Variants in TMEM68 observed in about 807,000 individuals in gnomAD.
The protein encoded by TMEM68 is transmembrane protein 68.
In TMEM68, 25 loss-of-function variants were observed where a neutral mutation model predicts 36.9. The ratio of observed to expected loss-of-function variants is 0.68; its 90% CI spans 0.49 to 0.95. The LOEUF (loss-of-function observed/expected upper bound fraction) is 0.95. Ranked by LOEUF, TMEM68 falls within the 40% of genes least tolerant of loss-of-function variation. The pLI, the probability that TMEM68 is intolerant of heterozygous loss-of-function variation, is 0.00. For missense variants in TMEM68, 333 were observed against 392.0 expected (o/e 0.85, Z 1.27); for synonymous variants, 131 against 124.4 (o/e 1.05, Z -0.35).
At chr8:55,742,207 GA>G (rs1260276013) in intron 7 of TMEM68, among the ~76,000 whole-genome samples, 1 of 152,152 alleles carries the variant, frequency 6.6e-6, no homozygotes, top group Non-Finnish European at 1.5e-5. Flanking sequence ...CAAAGTCTTA[GA>G]AAAGTAGAAT....
chr8:55,753,286 C>T (rs1057147505), intron 4 of TMEM68, among the ~76,000 whole-genome samples: 13 of 151,842 alleles, frequency 8.6e-5, no homozygotes, highest in African/African-American at 2.7e-4. Context: ...ATACACTAAA[C>T]GTTTTTCTTA....
Position 55,739,934 on chromosome 8 carries a change from T to A in TMEM68, c.*198A>T, listed in dbSNP as rs553850400. 1.8e-5 allele frequency: 9 copies of A among 501,984 alleles called. No homozygotes were observed. Among genetic ancestry groups the A allele is most frequent in the African/African-American group, 1.8e-4 (9 of 50,812 alleles). 31.1% of individuals were successfully genotyped at this position (501,984 alleles called of 1,614,324 possible). A position where few individuals can be genotyped will look rare whatever the true frequency, so the allele number is the denominator to read the frequency against. On this transcript the variant is annotated 3_prime_UTR_variant, in exon 8 of 8. Coordinates refer to ENST00000434581, the MANE Select transcript of TMEM68 (RefSeq NM_001286657.2). Reference sequence around the variant, plus strand: ...ACATCTTTTTCTGAATTACTAGGTGTGTAATTTGTTAGTATTTGACACAAT... The same window carrying A: ...ACATCTTTTTCTGAATTACTAGGTGAGTAATTTGTTAGTATTTGACACAAT...
intron 1 of TMEM68, among the ~76,000 whole-genome samples, chr8:55,769,018 T>TTAAAAAAAAAAGAAAAAA (rs1554556017): frequency 1.2e-5 from 1 of 82,094 alleles, no homozygotes; most frequent in Non-Finnish European, 2.4e-5. Flanking sequence ...ACTCTGTCTT[T>TTAAAAAAAAAAGAAAAAA]AAAAAAAAAA....
chr8:55,752,459 C>T (rs754133683), intron 4 of TMEM68, among the ~76,000 whole-genome samples: 139 of 151,530 alleles, frequency 9.2e-4, no homozygotes, highest in Non-Finnish European at 1.5e-3. Flanking sequence ...TGGTGGCGCA[C>T]GCTTGTAATC....
chr8:55,753,179 G>T (rs1319737721), intron 4 of TMEM68, among the ~76,000 whole-genome samples: 1 of 151,986 alleles, frequency 6.6e-6, no homozygotes, highest in Non-Finnish European at 1.5e-5. Context: ...AAAGGCAAAT[G>T]CTAAAAATAT....
rs1179468123 is a variant in TMEM68 at position 55,739,626 on chromosome 8, A to T, written c.*506T>A. 1.3e-5 allele frequency: 2 copies of T among 152,650 alleles called. No homozygotes were observed. The highest frequency in any genetic ancestry group is 4.8e-5 in the African/African-American group (2 of 41,460). 9.5% of individuals were successfully genotyped at this position (152,650 alleles called of 1,614,324 possible). ...TATAAATAACAAAATAATATCATTC[A>T]TCATACGATCATGTTTTTAAAAAGT... On this transcript the variant is annotated 3_prime_UTR_variant, in exon 8 of 8. Coordinates refer to ENST00000434581, the MANE Select transcript of TMEM68 (RefSeq NM_001286657.2).
At chr8:55,755,359 C>T (rs930892389) in intron 4 of TMEM68, among the ~76,000 whole-genome samples, 9 of 151,594 alleles carry the variant, frequency 5.9e-5, no homozygotes, top group South Asian at 4.2e-4. Flanking sequence ...CTCTGCCTTC[C>T]GGGTTCAAGT....
At chr8:55,747,884 T>C (rs1337235437) in intron 5 of TMEM68, 1 of 152,208 alleles carries the variant, frequency 6.6e-6, no homozygotes, top group Admixed American at 6.5e-5. Context: ...ATTTGCCACT[T>C]CCAACCAGTA....
At chr8:55,753,217 A>G (rs1242709015) in intron 4 of TMEM68, among the ~76,000 whole-genome samples, 1 of 152,216 alleles carries the variant, frequency 6.6e-6, no homozygotes, top group African/African-American at 2.4e-5. Context: ...TAAAAACGAA[A>G]AAAGTAGAAG....
At chr8:55,758,272 T>C (rs888437694) in intron 3 of TMEM68, among the ~76,000 whole-genome samples, 1 of 152,206 alleles carries the variant, frequency 6.6e-6, no homozygotes, top group Admixed American at 6.5e-5. Flanking sequence ...ACTCAGTAGA[T>C]TGAATCCACC....
chr8:55,761,522 G>GCC (rs1810791973), intron 3 of TMEM68: 1 of 152,134 alleles, frequency 6.6e-6, no homozygotes, highest in African/African-American at 2.4e-5. Flanking sequence ...TTGTAACCTG[G>GCC]CCCTATTCCT....
chr8:55,755,954 A>G (rs572330085), intron 4 of TMEM68, among the ~76,000 whole-genome samples: 1 of 151,976 alleles, frequency 6.6e-6, no homozygotes, highest in African/African-American at 2.4e-5. Flanking sequence ...TTTTTTAAAA[A>G]CATTATATTG....
intron 4 of TMEM68, among the ~76,000 whole-genome samples, chr8:55,755,277 T>A (rs1466403975): frequency 6.6e-6 from 1 of 151,858 alleles, no homozygotes; most frequent in Admixed American, 6.6e-5. Flanking sequence ...TATCTTTTTT[T>A]TTTTTTTGAG....
chr8:55,739,848 G>T lies in TMEM68; in HGVS notation c.*284C>A. ...GAATGTTTGTTTAACCTAAACTGCT[G>T]TTATTAATAAACTTAAGAATCTATA... On this transcript the variant is annotated 3_prime_UTR_variant, in exon 8 of 8. Transcript: ENST00000434581. The T allele has an allele frequency of 6.0e-6, 2 of 334,052 alleles. No homozygotes were observed. Among genetic ancestry groups the T allele is most frequent in the African/African-American group, 2.2e-5 (1 of 46,110 alleles). 20.7% of individuals were successfully genotyped at this position (334,052 alleles called of 1,614,324 possible).
chr8:55,743,700 A>G (rs2129908216), intron 6 of TMEM68, 80 bp from the exon 7 acceptor site: 1 of 1,309,642 alleles, frequency 7.6e-7, no homozygotes, highest in Non-Finnish European at 1.0e-6. Flanking sequence ...TTAATTATGT[A>G]GGACTTACAG....
chr8:55,751,510 T>C (rs1810426451), intron 4 of TMEM68: 2 of 443,540 alleles, frequency 4.5e-6, no homozygotes, highest in Non-Finnish European at 4.4e-6. Context: ...AGAAATGATA[T>C]CCCATCAGCA....
At chr8:55,743,144 C>A (rs542871127) in intron 7 of TMEM68, among the ~76,000 whole-genome samples, 2 of 152,146 alleles carry the variant, frequency 1.3e-5, no homozygotes, top group African/African-American at 4.8e-5. Context: ...ACTGAAATCT[C>A]CATCATCAAT....
chr8:55,750,092 T>C, intron 5 of TMEM68, among the ~76,000 whole-genome samples: 1 of 152,304 alleles, frequency 6.6e-6, no homozygotes, highest in South Asian at 2.1e-4. Context: ...TCTTTCAAAA[T>C]ATAAACTTGA....
chr8:55,739,731 T>C lies in TMEM68; in HGVS notation c.*401A>G, dbSNP rs1320028966. Reference sequence around the variant, plus strand: ...GAGGGGCAGACAACAGCATGTTTTTTCTAACTTAAACAACTATACTAACCC... The same window carrying C: ...GAGGGGCAGACAACAGCATGTTTTTCCTAACTTAAACAACTATACTAACCC... On this transcript the variant is annotated 3_prime_UTR_variant, in exon 8 of 8. Transcript: ENST00000434581. The C allele has an allele frequency of 6.4e-6, 1 of 155,732 alleles. No homozygotes were observed. The highest frequency in any genetic ancestry group is 2.4e-5 in the African/African-American group (1 of 41,538). 9.6% of individuals were successfully genotyped at this position (155,732 alleles called of 1,614,324 possible).
Sources: gnomAD v4.1 joint callset for allele counts (sites outside exome capture counted in the v4.1 genomes callset) on GRCh38, gnomAD v4.1.1 for gene constraint, MANE v1.5 for transcripts, NCBI Gene and HGNC (gene_info 2026-07-23, HGNC 2026-07-21) for gene names.